TRAK2: variants seen among roughly 807,000 people sequenced by gnomAD.
TRAK2 encodes the protein trafficking kinesin-binding protein 2.
In TRAK2, 81 loss-of-function variants were observed where a neutral mutation model predicts 104.6. The ratio of observed to expected loss-of-function variants is 0.77; its 90% CI spans 0.65 to 0.93. The LOEUF (loss-of-function observed/expected upper bound fraction) is 0.93. Ranked by LOEUF, TRAK2 falls within the 40% of genes least tolerant of loss-of-function variation. The pLI is 0.00. For missense variants in TRAK2, 1,002 were observed against 1,089.0 expected (o/e 0.92, Z 1.12); for synonymous variants, 406 against 394.4 (o/e 1.03, Z -0.35).
In TRAK2 at chr2:201,380,378, A is replaced by T; in HGVS notation, c.*165T>A. 1 of 736,234 alleles carries T rather than the reference A, an allele frequency of 1.4e-6. No individual in the cohort carries two copies. Among genetic ancestry groups the T allele is most frequent in the Non-Finnish European group, 2.2e-6 (1 of 454,070 alleles). 45.6% of individuals were successfully genotyped at this position (736,234 alleles called of 1,614,324 possible). Reference sequence around the variant, plus strand: ...ACTTTCAATTTGCCCGACTTCCTCCATTAGGGCTCATCCCAATTTTATTTC... The same window carrying T: ...ACTTTCAATTTGCCCGACTTCCTCCTTTAGGGCTCATCCCAATTTTATTTC... On this transcript the variant is annotated 3_prime_UTR_variant, in exon 16 of 16. Transcript: ENST00000332624.
chr2:201,412,754 T>A, intron 2 of TRAK2: 1 of 1,326,188 alleles, frequency 7.5e-7, no homozygotes, highest in Middle Eastern at 2.4e-4. Flanking sequence ...CCACTTTTAT[T>A]CAAAATTGTA....
intron 1 of TRAK2, among the ~76,000 whole-genome samples, chr2:201,425,243 C>T (rs1055534129): frequency 6.6e-6 from 1 of 152,158 alleles, no homozygotes; most frequent in Non-Finnish European, 1.5e-5. Flanking sequence ...TCAAAGATTT[C>T]CTAGATTAAC....
intron 1 of TRAK2, among the ~76,000 whole-genome samples, chr2:201,435,692 T>G (rs1951875801): frequency 6.6e-6 from 1 of 152,244 alleles, no homozygotes; most frequent in Non-Finnish European, 1.5e-5. Context: ...AGTGCTTCTT[T>G]TAGGAAAGAA....
chr2:201,435,458 A>G (rs1287149796), intron 1 of TRAK2, among the ~76,000 whole-genome samples: 4 of 152,254 alleles, frequency 2.6e-5, no homozygotes, highest in Non-Finnish European at 5.9e-5. Flanking sequence ...CATTTGGCAT[A>G]AAAGCTACCC....
rs1444740276 is a variant in TRAK2 at position 201,435,942 on chromosome 2, C to T, written c.-199-15236G>A. 2.6e-5 allele frequency among the ~76,000 whole-genome samples: 4 copies of T among 152,088 alleles called. No individual in the cohort carries two copies. The East Asian group carries it at 5.8e-4, about 22-fold the overall frequency. On this transcript the variant is annotated intron_variant, in intron 1 of 15. Coordinates refer to ENST00000332624, the MANE Select transcript of TRAK2 (RefSeq NM_015049.3). ...TTGGCTTCCCCATATGAAACCTTCA[C>T]ATGCAACTGAAGGTTTACAGCAACT...
intron 2 of TRAK2, chr2:201,410,655 G>C (rs977295266): frequency 1.5e-6 from 2 of 1,301,826 alleles, no homozygotes; most frequent in Non-Finnish European, 2.2e-6. Context: ...GCATACCAAA[G>C]GCAGATTGTC....
intron 1 of TRAK2, among the ~76,000 whole-genome samples, chr2:201,425,137 G>A (rs1385292688): frequency 6.6e-6 from 1 of 152,192 alleles, no homozygotes; most frequent in African/African-American, 2.4e-5. Flanking sequence ...ATAGTCCACA[G>A]AGCCTAGAAT....
At chr2:201,383,642 T>C (rs1010623405) in intron 15 of TRAK2, among the ~76,000 whole-genome samples, 1 of 152,206 alleles carries the variant, frequency 6.6e-6, no homozygotes, top group African/African-American at 2.4e-5. Flanking sequence ...TTTTAACCTG[T>C]ATTCGTTCCT....
chr2:201,434,205 C>T (rs1311802763), intron 1 of TRAK2, among the ~76,000 whole-genome samples: 1 of 152,168 alleles, frequency 6.6e-6, no homozygotes, highest in Admixed American at 6.5e-5. Context: ...GATCCGCCCA[C>T]CTCAGCCTCC....
chr2:201,407,534 G>A lies in TRAK2; in HGVS notation c.155C>T (p.Pro52Leu), dbSNP rs1369419841. 6.2e-7 allele frequency: 1 copy of A among 1,613,902 alleles called. No individual in the cohort carries two copies. The highest frequency in any genetic ancestry group is 8.5e-7 in the Non-Finnish European group (1 of 1,179,974). ...AGTGTCTACTTTTAGCCTATACTGT[G>A]GTAGTTGTTCTTCTAGCAGACTCAC... is the stretch of plus-strand genomic sequence containing the variant. ...ELVSLLEEQL[P>L]QYRLKVDTLF... The change falls in exon 3 of 16, where the codon CCA becomes CTA. Residue 52 changes from proline (P) to leucine (L), a missense_variant. Physicochemically the swap from Pro to Leu is moderately conservative, Grantham distance 98. Transcript: ENST00000332624.
rs755920404 is a variant in TRAK2 at position 201,399,441 on chromosome 2, C to T, written c.416G>A (p.Arg139Gln). The change falls in exon 5 of 16, where the codon CGG becomes CAG. Residue 139 changes from arginine to glutamine, a missense_variant. Physicochemically the swap from Arg to Gln is conservative, Grantham distance 43 (BLOSUM62 1). Coordinates refer to ENST00000332624, the MANE Select transcript of TRAK2 (RefSeq NM_015049.3). ...GTTCTGCTCAGATAAGACATGGTTC[C>T]GCTTTAAGAGAGCTTGTCCAATTCG... is the stretch of plus-strand genomic sequence containing the variant. ...AARIGQALLK[R>Q]NHVLSEQNES... 2.5e-5 allele frequency: 40 copies of T among 1,612,628 alleles called. No individual in the cohort carries two copies. Among genetic ancestry groups the T allele is most frequent in the South Asian group, 4.4e-5 (4 of 90,934 alleles).
At chr2:201,441,093 A>G (rs997106627) in intron 1 of TRAK2, among the ~76,000 whole-genome samples, 1 of 152,262 alleles carries the variant, frequency 6.6e-6, no homozygotes, top group African/African-American at 2.4e-5. Flanking sequence ...TGATATTAAT[A>G]CATTTTCAAT....
intron 1 of TRAK2, among the ~76,000 whole-genome samples, chr2:201,449,561 C>T (rs1414315274): frequency 2.0e-5 from 3 of 150,406 alleles, no homozygotes; most frequent in Non-Finnish European, 4.4e-5. Flanking sequence ...CTTGGCTCAC[C>T]GCAACCTCCG....
intron 2 of TRAK2, among the ~76,000 whole-genome samples, chr2:201,410,050 C>G (rs551662606): frequency 6.6e-6 from 1 of 152,356 alleles, no homozygotes; most frequent in South Asian, 2.1e-4. Flanking sequence ...GTAATCCCAG[C>G]ACTCTGGGAG....
At chr2:201,410,166 G>A (rs538254984) in intron 2 of TRAK2, among the ~76,000 whole-genome samples, 19 of 152,250 alleles carry the variant, frequency 1.2e-4, no homozygotes, top group South Asian at 4.1e-4. Flanking sequence ...GCTGGGCGTG[G>A]TGGCGGGCGC....
At chr2:201,430,471 C>T (rs1951832501) in intron 1 of TRAK2, among the ~76,000 whole-genome samples, 1 of 152,228 alleles carries the variant, frequency 6.6e-6, no homozygotes, top group Admixed American at 6.5e-5. Flanking sequence ...CTGTGGTGGG[C>T]TCCACTCAGT....
chr2:201,435,400 C>G (rs904666106), intron 1 of TRAK2, among the ~76,000 whole-genome samples: 3 of 152,196 alleles, frequency 2.0e-5, no homozygotes, highest in African/African-American at 7.2e-5. Context: ...GACATAAACT[C>G]TACCTGAAAT....
At chr2:201,383,246 A>G (rs183747873) in intron 15 of TRAK2, among the ~76,000 whole-genome samples, 5 of 152,324 alleles carry the variant, frequency 3.3e-5, no homozygotes, top group Non-Finnish European at 1.5e-5. Context: ...GAGGCAATCT[A>G]TGTCACAACT....
In TRAK2 at chr2:201,385,895, T is replaced by A. The variant is rs1576504519; in HGVS notation, c.1963+323A>T. On this transcript the variant is annotated intron_variant, in intron 14 of 15. Coordinates refer to ENST00000332624, the MANE Select transcript of TRAK2 (RefSeq NM_015049.3). ...TTTTTCAGTTTTGATTTATGATATATTAAATGTCAATAGATATAACCTGCA... is the reference window on the plus strand; with the variant it reads ...TTTTTCAGTTTTGATTTATGATATAATAAATGTCAATAGATATAACCTGCA... Among the ~76,000 whole-genome samples, 3 of 152,224 alleles carry A rather than the reference T, an allele frequency of 2.0e-5. No individual in the cohort carries two copies. In the East Asian group the frequency reaches 5.8e-4, roughly 29 times the overall value.
Sources: gnomAD v4.1 joint callset for allele counts (sites outside exome capture counted in the v4.1 genomes callset) on GRCh38, gnomAD v4.1.1 for gene constraint, MANE v1.5 for transcripts, NCBI Gene and HGNC (gene_info 2026-07-23, HGNC 2026-07-21) for gene names.